Variants in PRDM2 observed in about 807,000 individuals in gnomAD.
The protein encoded by PRDM2 is PR/SET domain 2.
A neutral mutation model predicts 130.0 loss-of-function variants in PRDM2; 30 were observed. That is an observed-to-expected ratio of 0.23 (90% CI 0.17 to 0.31). The LOEUF is 0.31. PRDM2 is among the 10% of genes least tolerant of loss of function. The pLI is 1.00. For synonymous variants in PRDM2, 871 were observed against 782.4 expected, an observed-to-expected ratio of 1.11 and a Z score of -1.89; for missense variants, 2,011 against 2,108.4, an observed-to-expected ratio of 0.95 and a Z score of 0.90.
Position 13,780,519 on chromosome 1 carries a change from T to C in PRDM2, c.2724T>C (p.Asp908=). The C allele has an allele frequency of 6.2e-7, 1 of 1,614,186 alleles. No homozygotes were observed. Among genetic ancestry groups the C allele is most frequent in the Admixed American group, 1.7e-5 (1 of 60,024 alleles). ...ATTTACCTGTAGAAAACCCTGCAGA[T>C]GGGACCAGGAGCCCAAGTCCTTGTA... ...GIDLPVENPA[D]GTRSPSPCKS... The change falls in exon 8 of 10, where the codon GAT becomes GAC. Residue 908 remains aspartate, a synonymous_variant. Coordinates refer to ENST00000311066, the MANE Select transcript of PRDM2 (RefSeq NM_001393986.1).
At chr1:13,770,310 C>T (rs759316302) in intron 6 of PRDM2, 2 of 490,952 alleles carry the variant, frequency 4.1e-6, no homozygotes, top group Admixed American at 2.0e-5. Context: ...GGGAATAAAA[C>T]TTAAAATAGC....
At chr1:13,707,465 T>C (rs754923953) in intron 1 of PRDM2, among the ~76,000 whole-genome samples, 8 of 152,258 alleles carry the variant, frequency 5.3e-5, no homozygotes, top group Non-Finnish European at 1.2e-4. Context: ...AAATTTTGTC[T>C]GAGTTAGAAG....
In PRDM2 at chr1:13,780,542, G is replaced by C; in HGVS notation, c.2747G>C (p.Cys916Ser). Residue 916 changes from cysteine to serine, a missense_variant, in exon 8 of 10, where the codon TGT becomes TCT. This residue lies in a region of PRDM2 where 1,288 missense variants were observed against 1,237.7 expected (regional missense o/e 1.04). Coordinates refer to ENST00000311066, the MANE Select transcript of PRDM2 (RefSeq NM_001393986.1). ...PADGTRSPSPCKSLEAQPDPD... is the reference protein window; with the variant it reads ...PADGTRSPSPSKSLEAQPDPD... The stretch of plus-strand genomic sequence containing the variant: ...GATGGGACCAGGAGCCCAAGTCCTT[G>C]TAAATCCCTAGAAGCTCAGCCAGAT... The C allele has an allele frequency of 6.2e-7, 1 of 1,614,170 alleles. No individual in the cohort carries two copies.
At chr1:13,817,578 A>G (rs570358506) in intron 9 of PRDM2, among the ~76,000 whole-genome samples, 1 of 151,166 alleles carries the variant, frequency 6.6e-6, no homozygotes, top group African/African-American at 2.4e-5. Flanking sequence ...GACCTCATAC[A>G]TCAGAAGATC....
chr1:13,710,675 G>C (rs920958855), intron 1 of PRDM2, among the ~76,000 whole-genome samples: 1 of 152,142 alleles, frequency 6.6e-6, no homozygotes, highest in African/African-American at 2.4e-5. Flanking sequence ...TTGATTAGGC[G>C]TGGAAATGCA....
intron 9 of PRDM2, among the ~76,000 whole-genome samples, chr1:13,819,162 G>T (rs1389594140): frequency 6.6e-6 from 1 of 152,216 alleles, no homozygotes; most frequent in Non-Finnish European, 1.5e-5. Context: ...GTTCTCTGCA[G>T]CCGGAGGGAG....
At chr1:13,734,511 AT>A (rs373075932) in intron 4 of PRDM2, among the ~76,000 whole-genome samples, 39 of 152,324 alleles carry the variant, frequency 2.6e-4, no homozygotes, top group African/African-American at 8.9e-4. Flanking sequence ...TGTTGGGCAT[AT>A]TGTATAATTT....
intron 7 of PRDM2, among the ~76,000 whole-genome samples, chr1:13,773,927 A>G (rs963258964): frequency 6.6e-6 from 1 of 152,198 alleles, no homozygotes; most frequent in Non-Finnish European, 1.5e-5. Context: ...TGTACACTTT[A>G]ATACATGTAC....
At chr1:13,744,761 T>C (rs1643553488) in intron 5 of PRDM2, among the ~76,000 whole-genome samples, 1 of 152,196 alleles carries the variant, frequency 6.6e-6, no homozygotes, top group Non-Finnish European at 1.5e-5. Flanking sequence ...AGTTCTGATT[T>C]TTGCAGACCT....
rs559615990 is a variant in PRDM2, at chr1:13,748,855, T to G, written c.385-506T>G. ...CGGCCTCCCGTTGGCGGCTCTGGGA[T>G]AGAAACCGCGGCGCATTTGTAAGTG... On this transcript the variant is annotated intron_variant, in intron 5 of 9. Transcript: ENST00000311066. 2.3e-3 allele frequency among the ~76,000 whole-genome samples: 346 copies of G among 152,328 alleles called. 1 individual carries two copies. The highest frequency in any genetic ancestry group is 4.0e-3 in the Non-Finnish European group (275 of 68,010).
chr1:13,809,986 G>A (rs1645145171), intron 8 of PRDM2, among the ~76,000 whole-genome samples: 1 of 151,882 alleles, frequency 6.6e-6, no homozygotes, highest in Admixed American at 6.6e-5. Context: ...CCTTTTTCGA[G>A]CACACGCATC....
chr1:13,777,503 G>T (rs1410330867), intron 7 of PRDM2, among the ~76,000 whole-genome samples: 1 of 149,220 alleles, frequency 6.7e-6, no homozygotes, highest in Non-Finnish European at 1.5e-5. Context: ...CTTACCTCCT[G>T]CCCTCACTTT....
At chr1:13,822,533 C>T (rs533902138) in intron 9 of PRDM2, among the ~76,000 whole-genome samples, 2 of 151,928 alleles carry the variant, frequency 1.3e-5, no homozygotes, top group East Asian at 3.9e-4. Context: ...GTAGCTGGGA[C>T]TACAGGCACC....
intron 4 of PRDM2, among the ~76,000 whole-genome samples, chr1:13,734,198 A>G (rs945442869): frequency 1.3e-5 from 2 of 152,212 alleles, no homozygotes; most frequent in Admixed American, 6.5e-5. Flanking sequence ...AGAGTTCTGT[A>G]TTTGTAGAAA....
intron 2 of PRDM2, among the ~76,000 whole-genome samples, chr1:13,715,850 GGGA>G (rs1642516263): frequency 6.6e-6 from 1 of 152,136 alleles, no homozygotes; most frequent in South Asian, 2.1e-4. Flanking sequence ...CTCATTCTTA[GGGA>G]TTTTCATTAA....
chr1:13,762,103 A>G (rs1474167550), intron 6 of PRDM2, among the ~76,000 whole-genome samples: 1 of 152,132 alleles, frequency 6.6e-6, no homozygotes, highest in Non-Finnish European at 1.5e-5. Context: ...CTTACAATCG[A>G]TTCCATTTAT....
At position 13,781,968 on chromosome 1, in the gene PRDM2, A is replaced by G. The variant is rs191842070; in HGVS notation, c.4173A>G (p.Lys1391=). ...NGVVVLDNSG[K]NAFRRMGQPK... ...TGGTGGTTTTAGATAACTCTGGGAA[A>G]AATGCCTTCCGACGAATGGGACAGC... The change falls in exon 8 of 10, where the codon AAA becomes AAG. Residue 1391 remains lysine (K), a synonymous_variant. Transcript: ENST00000311066. This position sits in a 1 kb window ranked among gnomAD's most constrained non-coding sequence, Gnocchi z 6.1. 11 of 1,614,236 alleles carry G rather than the reference A, an allele frequency of 6.8e-6. No homozygotes were observed. In the Admixed American group the frequency reaches 1.3e-4, roughly 20 times the overall value.
chr1:13,747,062 T>G (rs1643633296), intron 5 of PRDM2, among the ~76,000 whole-genome samples: 1 of 152,234 alleles, frequency 6.6e-6, no homozygotes, highest in Non-Finnish European at 1.5e-5. Context: ...AAGTTGCTAG[T>G]TCAGTTAGCA....
chr1:13,786,817 C>A, intron 8 of PRDM2: 1 of 1,230,300 alleles, frequency 8.1e-7, no homozygotes, highest in Non-Finnish European at 1.0e-6. Flanking sequence ...ACTGGTACCT[C>A]AGATCTGAGC....
Sources: gnomAD v4.1 joint callset for allele counts (sites outside exome capture counted in the v4.1 genomes callset) on GRCh38, gnomAD v4.1.1 for gene constraint, gnomAD v4.1.1 regional missense constraint, Gnocchi (gnomAD v3.1) non-coding constraint, MANE v1.5 for transcripts, NCBI Gene and HGNC (gene_info 2026-07-23, HGNC 2026-07-21) for gene names.